TANGO2: variants seen among roughly 807,000 people sequenced by gnomAD.
TANGO2 encodes the protein transport and Golgi organization protein 2 homolog.
TANGO2 carries 26 observed loss-of-function variants against 39.1 expected under a neutral mutation model. That is an observed-to-expected ratio of 0.67 (90% CI 0.49 to 0.92). The LOEUF is 0.92. Among genes scored for constraint, TANGO2 ranks in the 40% least tolerant of loss-of-function variants. The pLI is 0.00. For synonymous variants in TANGO2, 131 were observed against 144.5 expected, an observed-to-expected ratio of 0.91 and a Z score of 0.67; for missense variants, 326 against 360.1, an observed-to-expected ratio of 0.91 and a Z score of 0.77.
In TANGO2 at chr22:20,065,171, T is replaced by C. The variant is rs1463356775; in HGVS notation, c.*509T>C. ...CTCTCATGTGCTTCTGGCCAGTAGGTCTTTGTTCTGGTCCAACGACAGGAG... is the reference window on the plus strand; with the variant it reads ...CTCTCATGTGCTTCTGGCCAGTAGGCCTTTGTTCTGGTCCAACGACAGGAG... On this transcript the variant is annotated 3_prime_UTR_variant, in exon 9 of 9. Coordinates refer to ENST00000327374, the MANE Select transcript of TANGO2 (RefSeq NM_152906.7). The C allele has an allele frequency of 6.3e-6, 1 of 158,374 alleles. No homozygotes were observed. Among genetic ancestry groups the C allele is most frequent in the African/African-American group, 2.4e-5 (1 of 41,602 alleles). The allele number at this position is 158,374 out of a possible 1,614,324, so 9.8% of individuals were successfully genotyped here.
At chr22:20,033,268 C>T in intron 1 of TANGO2, 1 of 521,174 alleles carries the variant, frequency 1.9e-6, no homozygotes, top group Non-Finnish European at 3.9e-6. Context: ...TGCGCCCACA[C>T]CTCCAGTGCC....
rs184852644 is a variant in TANGO2 at position 20,031,938 on chromosome 22, G to A, written c.-39-4822G>A. On this transcript the variant is annotated intron_variant, in intron 1 of 8. Transcript: ENST00000327374. ...CCCAGCATCCCACGTGTGCCTGCTC[G>A]GGGTGGCCAGCTCACTGCTTCTTCA... 8.3e-4 allele frequency among the ~76,000 whole-genome samples: 126 copies of A among 152,304 alleles called. 2 individuals are homozygous for A. Among genetic ancestry groups the A allele is most frequent in the South Asian group, 2.1e-4 (1 of 4,828 alleles).
At chr22:20,042,384 G>A (rs1231237805) in intron 2 of TANGO2, among the ~76,000 whole-genome samples, 1 of 152,174 alleles carries the variant, frequency 6.6e-6, no homozygotes, top group East Asian at 1.9e-4. Flanking sequence ...TTCTTCTAAT[G>A]TCCAAGCTGG....
intron 3 of TANGO2, among the ~76,000 whole-genome samples, chr22:20,051,107 C>T (rs1309693649): frequency 4.0e-5 from 6 of 151,648 alleles, no homozygotes; most frequent in African/African-American, 7.2e-5. Flanking sequence ...GTGATCTGCC[C>T]GCCTCGGCCT....
chr22:20,051,230 T>C (rs2046286776), intron 3 of TANGO2, among the ~76,000 whole-genome samples: 1 of 151,974 alleles, frequency 6.6e-6, no homozygotes, highest in African/African-American at 2.4e-5. Flanking sequence ...TTAATTATTG[T>C]TATAAAAATA....
rs961902850 is a variant in TANGO2 at position 20,061,691 on chromosome 22, G to A, written c.605+8G>A. The A allele has an allele frequency of 5.2e-6, 8 of 1,543,110 alleles. No individual in the cohort carries two copies. The highest frequency in any genetic ancestry group is 2.4e-5 in the South Asian group (2 of 83,096). On this transcript the variant is annotated splice_region_variant and intron_variant, in intron 7 of 8. Transcript: ENST00000327374. ...GCTCAACAATGAAGAGGCGTGAGTG[G>A]GCGGGTCCTGCTGGGGTGAGCCCCA...
intron 6 of TANGO2, chr22:20,056,360 C>T (rs1475184002): frequency 1.9e-6 from 1 of 530,752 alleles, no homozygotes; most frequent in East Asian, 4.8e-5. Flanking sequence ...CTGGAGCCAT[C>T]ACCACCTGGG....
chr22:20,056,119 G>T, intron 6 of TANGO2, 106 bp downstream of exon 6: 1 of 958,800 alleles, frequency 1.0e-6, no homozygotes, highest in South Asian at 1.3e-5. Context: ...CTTCTGAGAT[G>T]ACTTTGTGGC....
Position 20,056,042 on chromosome 22 carries a change from T to G in TANGO2, c.451+29T>G, listed in dbSNP as rs745564549. The stretch of plus-strand genomic sequence containing the variant: ...AGCCTGCCCTGGCAGCCTGATGGGG[T>G]GGGGGACTGTTTCTATGCAGAGGTC... On this transcript the variant is annotated intron_variant, in intron 6 of 8. Transcript: ENST00000327374. 9.3e-5 allele frequency: 147 copies of G among 1,587,120 alleles called. No individual in the cohort carries two copies. The East Asian group carries it at 3.1e-3, about 33-fold the overall frequency.
intron 2 of TANGO2, 84 bp from the exon 3 acceptor site, chr22:20,043,271 A>C (rs2044329424): frequency 2.0e-6 from 2 of 1,000,098 alleles, no homozygotes; most frequent in East Asian, 4.9e-5. Context: ...GTTGCCACTG[A>C]GGCCAGTTTT....
intron 1 of TANGO2, among the ~76,000 whole-genome samples, chr22:20,036,496 A>G (rs2042877838): frequency 6.6e-6 from 1 of 152,086 alleles, no homozygotes; most frequent in Non-Finnish European, 1.5e-5. Context: ...AGGCCTTAAG[A>G]CTACCATGGT....
chr22:20,063,390 A>G lies in TANGO2; in HGVS notation c.658A>G (p.Met220Val). The change falls in exon 8 of 9, where the codon ATG becomes GTG. Residue 220 changes from methionine to valine, a missense_variant. By Grantham distance (21) the Met-to-Val change is conservative. Transcript: ENST00000327374. ...CCAGGGTGGGGAGTACGTGCAGCCC[A>G]TGCTGAGCAAGTACGCGGCTGTGTG... ...EDQGGEYVQP[M>V]LSKYAAVCVR... 6.2e-7 allele frequency: 1 copy of G among 1,613,532 alleles called. No individual in the cohort carries two copies. Among genetic ancestry groups the G allele is most frequent in the East Asian group, 2.2e-5 (1 of 44,878 alleles).
chr22:20,055,380 C>T (rs183610715), intron 5 of TANGO2: 1 of 159,660 alleles, frequency 6.3e-6, no homozygotes, highest in Admixed American at 5.9e-5. Context: ...CCTCCTTAGT[C>T]TCCAGATTAG....
chr22:20,029,698 C>T (rs552082020), intron 1 of TANGO2, among the ~76,000 whole-genome samples: 1 of 152,326 alleles, frequency 6.6e-6, no homozygotes, highest in African/African-American at 2.4e-5. Context: ...ACATGGTGAG[C>T]TCACAGTGAC....
At chr22:20,026,175 G>T (rs1013044743) in intron 1 of TANGO2, among the ~76,000 whole-genome samples, 1 of 152,204 alleles carries the variant, frequency 6.6e-6, no homozygotes, top group Admixed American at 6.5e-5. Context: ...TGAGGCGGGG[G>T]GATCATGAGG....
chr22:20,064,291 G>A (rs1274078513), intron 8 of TANGO2, among the ~76,000 whole-genome samples: 3 of 152,240 alleles, frequency 2.0e-5, no homozygotes, highest in Non-Finnish European at 4.4e-5. Context: ...GCAGGGCAGG[G>A]TGGGGTGGTT....
chr22:20,033,261 G>A (rs773371622), intron 1 of TANGO2: 1 of 523,102 alleles, frequency 1.9e-6, no homozygotes, highest in South Asian at 1.4e-5. Context: ...TTGGCTCTGC[G>A]CCCACACCTC....
rs1007284402 is a variant in TANGO2, at chr22:20,061,607, G to T, written c.529G>T (p.Ala177Ser). Residue 177 changes from alanine (A) to serine (S), a missense_variant, in exon 7 of 9, where the codon GCT becomes TCT. By Grantham distance (99) the Ala-to-Ser change is moderately conservative. Coordinates refer to ENST00000327374, the MANE Select transcript of TANGO2 (RefSeq NM_152906.7). ...LCFGKQLFLE[A>S]VERSQALPKD... ...CTTTGGGAAGCAGCTCTTCCTGGAG[G>T]CTGTGGAACGGAGCCAGGCGCTGCC... 6.3e-7 allele frequency: 1 copy of T among 1,587,082 alleles called. No individual in the cohort carries two copies. Among genetic ancestry groups the T allele is most frequent in the Non-Finnish European group, 8.6e-7 (1 of 1,166,474 alleles).
upstream of TANGO2, chr22:20,019,214 A>T (rs892092315): frequency 6.6e-6 from 1 of 152,240 alleles, no homozygotes; most frequent in Non-Finnish European, 1.5e-5. Flanking sequence ...CCCCGGAGAA[A>T]GCCACAGAGA....
Sources: allele counts gnomAD v4.1 joint callset (sites outside exome capture counted in the v4.1 genomes callset), GRCh38; gene constraint gnomAD v4.1.1; transcripts MANE v1.5; gene names NCBI Gene and HGNC (gene_info 2026-07-23, HGNC 2026-07-21).